The following NELL1 variants were observed in gnomAD, a reference collection of about 807,000 sequenced individuals.
The protein encoded by NELL1 is neural EGFL like 1.
Under a neutral mutation model 107.4 loss-of-function variants are expected in NELL1, and 76 were observed. The observed-to-expected ratio is 0.71, with a 90% CI of 0.59 to 0.86. The LOEUF (loss-of-function observed/expected upper bound fraction) is 0.86, where lower values mean the gene tolerates loss of function less well. Ranked by LOEUF, NELL1 falls within the 40% of genes least tolerant of loss-of-function variation. The pLI is 0.00. For missense variants in NELL1, 1,024 were observed against 1,005.5 expected, an observed-to-expected ratio of 1.02 and a Z score of -0.25; for synonymous variants, 353 against 341.2, an observed-to-expected ratio of 1.03 and a Z score of -0.38.
chr11:21,503,691 C>G (rs1383855204), intron 15 of NELL1, among the ~76,000 whole-genome samples: 1 of 152,086 alleles, frequency 6.6e-6, no homozygotes, highest in Non-Finnish European at 1.5e-5. Flanking sequence ...AGCTGGGTCG[C>G]TGGGTATAAA....
chr11:21,232,530 C>A (rs1252593105), intron 14 of NELL1, among the ~76,000 whole-genome samples: 1 of 152,104 alleles, frequency 6.6e-6, no homozygotes, highest in Non-Finnish European at 1.5e-5. Flanking sequence ...CCTGAAATAA[C>A]CAAATTTGTG....
intron 9 of NELL1, among the ~76,000 whole-genome samples, chr11:20,932,564 G>T (rs1193536758): frequency 2.0e-5 from 3 of 152,172 alleles, no homozygotes; most frequent in Non-Finnish European, 4.4e-5. Context: ...GGACACGTAT[G>T]GATCATTTAC....
intron 14 of NELL1, among the ~76,000 whole-genome samples, chr11:21,357,703 G>A (rs966310866): frequency 6.6e-6 from 1 of 152,130 alleles, no homozygotes; most frequent in Non-Finnish European, 1.5e-5. Context: ...TGCGCTCTTG[G>A]TAATTAACTC....
chr11:20,753,261 T>G (rs1856183896), intron 2 of NELL1, among the ~76,000 whole-genome samples: 1 of 152,358 alleles, frequency 6.6e-6, no homozygotes, highest in Admixed American at 6.5e-5. Flanking sequence ...CTGTCCTTAT[T>G]ATTTTTAATG....
At chr11:20,698,127 G>A (rs1043909119) in intron 2 of NELL1, among the ~76,000 whole-genome samples, 2 of 152,130 alleles carry the variant, frequency 1.3e-5, no homozygotes, top group Non-Finnish European at 2.9e-5. Context: ...TCAATTAGCC[G>A]AGTGATTCAA....
chr11:21,042,576 A>G (rs922003805), intron 12 of NELL1, among the ~76,000 whole-genome samples: 2 of 152,202 alleles, frequency 1.3e-5, no homozygotes, highest in Non-Finnish European at 2.9e-5. Context: ...GGGGCCTCAG[A>G]TGACAGAGAA....
At chr11:20,669,563 C>T (rs1008531986), upstream of NELL1, 1 of 376,180 alleles carries the variant, frequency 2.7e-6, no homozygotes, top group Admixed American at 4.3e-5. The surrounding 1 kb of genome is among the most constrained non-coding windows in gnomAD (Gnocchi z 4.4). Context: ...GGCTGCCTTC[C>T]CGGGCGCATA....
chr11:21,507,787 C>CTT lies in NELL1; in HGVS notation c.1646-26576_1646-26575dup, dbSNP rs201588738. On this transcript the variant is annotated intron_variant, in intron 15 of 19. Coordinates refer to ENST00000357134, the MANE Select transcript of NELL1 (RefSeq NM_006157.5). ...AAGCAAAAGTTTTTTCTTTTCTTTTCTTTTTTTTTTTTGAGACGGAGTCTC... is the reference window on the plus strand; with the variant it reads ...AAGCAAAAGTTTTTTCTTTTCTTTTCTTTTTTTTTTTTTTGAGACGGAGTCTC... Among the ~76,000 whole-genome samples the CTT allele has an allele frequency of 0.017, 2,451 of 144,608 alleles. 189 individuals carry two copies. In the East Asian group the frequency reaches 0.26, roughly 15 times the overall value. 94.9% of individuals were successfully genotyped at this position (144,608 alleles called of 152,430 possible). A position where few individuals can be genotyped will look rare whatever the true frequency, so the allele number is the denominator to read the frequency against.
chr11:21,047,509 C>A (rs1036598129), intron 12 of NELL1, among the ~76,000 whole-genome samples: 1 of 152,064 alleles, frequency 6.6e-6, no homozygotes, highest in East Asian at 1.9e-4. Context: ...TTTTGCATTA[C>A]TGAACAAATG....
chr11:21,375,326 T>G (rs1851449932), intron 15 of NELL1, among the ~76,000 whole-genome samples: 1 of 152,162 alleles, frequency 6.6e-6, no homozygotes, highest in Admixed American at 6.6e-5. Context: ...GTTCCTGTGT[T>G]AATTGACTTA....
At chr11:21,502,282 G>A (rs1182924726) in intron 15 of NELL1, among the ~76,000 whole-genome samples, 1 of 152,178 alleles carries the variant, frequency 6.6e-6, no homozygotes, top group African/African-American at 2.4e-5. Flanking sequence ...ACTGGTTTAT[G>A]TGGGAAAACT....
chr11:20,942,533 T>G (rs1850877656), intron 10 of NELL1, among the ~76,000 whole-genome samples: 1 of 152,136 alleles, frequency 6.6e-6, no homozygotes, highest in Admixed American at 6.5e-5. Context: ...TGGCACATTA[T>G]CACACAAGGA....
chr11:20,697,452 AAG>A (rs2133875348), intron 2 of NELL1, among the ~76,000 whole-genome samples: 1 of 151,744 alleles, frequency 6.6e-6, no homozygotes, highest in East Asian at 1.9e-4. Flanking sequence ...TCTGCTTCAA[AAG>A]AGTTTCTAAA....
chr11:21,537,609 T>C (rs2133974502), intron 16 of NELL1, among the ~76,000 whole-genome samples: 1 of 150,628 alleles, frequency 6.6e-6, no homozygotes, highest in Admixed American at 6.7e-5. Context: ...TGTATTCACA[T>C]GCACATGTGT....
At chr11:20,780,840 G>A (rs1296040967) in intron 2 of NELL1, among the ~76,000 whole-genome samples, 2 of 152,048 alleles carry the variant, frequency 1.3e-5, no homozygotes, top group African/African-American at 4.8e-5. Context: ...GTGGGAGTGG[G>A]CCTGGTGTGC....
chr11:20,857,965 T>C (rs1184703853), intron 4 of NELL1, among the ~76,000 whole-genome samples: 1 of 152,180 alleles, frequency 6.6e-6, no homozygotes, highest in Non-Finnish European at 1.5e-5. Context: ...AGTAACTGCA[T>C]ATGCTGCCCT....
intron 16 of NELL1, among the ~76,000 whole-genome samples, chr11:21,544,334 T>C (rs1413396095): frequency 6.6e-6 from 1 of 151,994 alleles, no homozygotes. Context: ...AAATTCCATG[T>C]TGAAGACAAA....
rs146112225 is a variant in NELL1 at position 20,677,972 on chromosome 11, C to A, written c.96C>A (p.Ile32=). Residue 32 remains isoleucine, a synonymous_variant, in exon 2 of 20, where the codon ATC becomes ATA. Coordinates refer to ENST00000357134, the MANE Select transcript of NELL1 (RefSeq NM_006157.5). ...FGMDPDLQMD[I]VTELDLVNTT... Reference sequence around the variant, plus strand: ...TGGACCCTGACCTTCAGATGGATATCGTCACCGAGCTTGACCTTGTGAACA... The same window carrying A: ...TGGACCCTGACCTTCAGATGGATATAGTCACCGAGCTTGACCTTGTGAACA... 6.2e-7 allele frequency: 1 copy of A among 1,614,102 alleles called. No individual in the cohort carries two copies. Among genetic ancestry groups the A allele is most frequent in the Non-Finnish European group, 8.5e-7 (1 of 1,180,004 alleles).
At chr11:21,335,381 G>GT (rs1590847010) in intron 14 of NELL1, among the ~76,000 whole-genome samples, 1 of 151,910 alleles carries the variant, frequency 6.6e-6, no homozygotes, top group Admixed American at 6.6e-5. Context: ...CAGTACCTGA[G>GT]TTTTTTCTTA....
Sources: gnomAD v4.1 joint callset for allele counts (sites outside exome capture counted in the v4.1 genomes callset) on GRCh38, gnomAD v4.1.1 for gene constraint, Gnocchi (gnomAD v3.1) non-coding constraint, MANE v1.5 for transcripts, NCBI Gene and HGNC (gene_info 2026-07-23, HGNC 2026-07-21) for gene names.